The following MCTP2 variants were observed in gnomAD, a reference collection of about 807,000 sequenced individuals.
The protein encoded by MCTP2 is multiple C2 and transmembrane domain-containing protein 2.
In MCTP2, 132 loss-of-function variants were observed where a neutral mutation model predicts 111.6. That is an observed-to-expected ratio of 1.18 (90% CI 1.03 to 1.37). The LOEUF is 1.37. MCTP2 is among the 40% of genes most tolerant of loss of function. MCTP2 has a pLI of 0.00. For synonymous variants in MCTP2, 395 were observed against 387.7 expected, an observed-to-expected ratio of 1.02 and a Z score of -0.22; for missense variants, 1,183 against 1,067.9, an observed-to-expected ratio of 1.11 and a Z score of -1.50.
intron 1 of MCTP2, among the ~76,000 whole-genome samples, chr15:94,236,888 G>C (rs2070608944): frequency 6.6e-6 from 1 of 152,176 alleles, no homozygotes; most frequent in Admixed American, 6.5e-5. Context: ...TAGGGAAGTG[G>C]AGGTGCGGCA....
chr15:94,247,828 C>T (rs2072127808), intron 1 of MCTP2, among the ~76,000 whole-genome samples: 1 of 152,084 alleles, frequency 6.6e-6, no homozygotes, highest in African/African-American at 2.4e-5. Context: ...GCTTGGATTT[C>T]TAGTAAATAT....
At chr15:94,364,459 T>G (rs10520749) in intron 10 of MCTP2, among the ~76,000 whole-genome samples, 1 of 151,972 alleles carries the variant, frequency 6.6e-6, no homozygotes, top group African/African-American at 2.4e-5. Flanking sequence ...TTATTTAGTA[T>G]TTTTTGCAAG....
At chr15:94,420,989 C>T (rs2082601147) in intron 17 of MCTP2, among the ~76,000 whole-genome samples, 1 of 152,222 alleles carries the variant, frequency 6.6e-6, no homozygotes, top group Admixed American at 6.5e-5. Context: ...ACAGCCACCC[C>T]AGCCTTCAGC....
At chr15:94,289,340 TGAAAG>T (rs2074927049) in intron 1 of MCTP2, among the ~76,000 whole-genome samples, 1 of 152,172 alleles carries the variant, frequency 6.6e-6, no homozygotes, top group Admixed American at 6.5e-5. Flanking sequence ...TTTCAAGTGT[TGAAAG>T]AAAAGTATAG....
intron 4 of MCTP2, among the ~76,000 whole-genome samples, chr15:94,334,912 T>A (rs934490291): frequency 6.6e-6 from 1 of 152,226 alleles, no homozygotes; most frequent in African/African-American, 2.4e-5. Flanking sequence ...ATGAAAGTTC[T>A]AAGCTGGGAA....
At chr15:94,471,733 G>A (rs1460483251) in intron 21 of MCTP2, among the ~76,000 whole-genome samples, 2 of 148,944 alleles carry the variant, frequency 1.3e-5, no homozygotes, top group Non-Finnish European at 3.0e-5. Flanking sequence ...AGCTCTTCAG[G>A]GCCACTGATT....
At chr15:94,344,595 TC>T (rs1384456087) in intron 7 of MCTP2, among the ~76,000 whole-genome samples, 2 of 152,220 alleles carry the variant, frequency 1.3e-5, no homozygotes, top group East Asian at 3.8e-4. Context: ...TTTTTCCTTT[TC>T]CTTAGATACT....
intron 13 of MCTP2, 39 bp downstream of exon 13, chr15:94,384,163 TG>T: frequency 7.1e-7 from 1 of 1,411,588 alleles, no homozygotes; most frequent in Non-Finnish European, 1.0e-6. Flanking sequence ...CTGCTGTGCT[TG>T]GAAGGTAGTC....
chr15:94,451,525 G>T (rs2084463911), intron 19 of MCTP2, among the ~76,000 whole-genome samples: 1 of 152,118 alleles, frequency 6.6e-6, no homozygotes, highest in African/African-American at 2.4e-5. Context: ...CACACCAGTG[G>T]CCTTCACTAT....
intron 22 of MCTP2, among the ~76,000 whole-genome samples, chr15:94,477,495 G>C (rs1400824446): frequency 6.6e-6 from 1 of 152,182 alleles, no homozygotes; most frequent in East Asian, 1.9e-4. Flanking sequence ...TAAATCCAGA[G>C]GAAGGAGGGC....
At chr15:94,313,515 A>G (rs2076241104) in intron 2 of MCTP2, among the ~76,000 whole-genome samples, 1 of 152,122 alleles carries the variant, frequency 6.6e-6, no homozygotes, top group Non-Finnish European at 1.5e-5. Flanking sequence ...AGCCTGGCCA[A>G]TATGGTGAAA....
chr15:94,394,674 A>G (rs1020802534), intron 14 of MCTP2, among the ~76,000 whole-genome samples: 3 of 152,182 alleles, frequency 2.0e-5, no homozygotes, highest in African/African-American at 7.2e-5. Flanking sequence ...CTGAGGCAGC[A>G]GAATCACTTG....
chr15:94,340,981 C>A, intron 7 of MCTP2, 57 bp downstream of exon 7: 1 of 1,083,490 alleles, frequency 9.2e-7, no homozygotes, highest in Non-Finnish European at 1.4e-6. Context: ...TGAAATGGCT[C>A]ATTGCAATTG....
At chr15:94,457,978 C>CT (rs905960658) in intron 19 of MCTP2, among the ~76,000 whole-genome samples, 159 bp from the exon 20 acceptor site, 11 of 149,952 alleles carry the variant, frequency 7.3e-5, no homozygotes, top group African/African-American at 2.5e-4. Context: ...ACAGATTTTT[C>CT]TGGGGGGGGA....
chr15:94,413,385 T>A (rs1486535085), intron 17 of MCTP2, among the ~76,000 whole-genome samples: 1 of 152,218 alleles, frequency 6.6e-6, no homozygotes, highest in African/African-American at 2.4e-5. Context: ...AGATCCAGAT[T>A]ACTGCCCAGT....
intron 20 of MCTP2, among the ~76,000 whole-genome samples, chr15:94,468,777 C>T (rs535956846): frequency 3.3e-5 from 5 of 152,090 alleles, no homozygotes; most frequent in East Asian, 1.9e-4. Flanking sequence ...TACAGGTGCA[C>T]GCCACCACAC....
intron 12 of MCTP2, among the ~76,000 whole-genome samples, chr15:94,376,612 T>C (rs903170964): frequency 6.6e-6 from 1 of 152,234 alleles, no homozygotes; most frequent in African/African-American, 2.4e-5. Flanking sequence ...TATTAGAGTA[T>C]ATTTGATACG....
At chr15:94,263,426 A>G (rs1289274083) in intron 1 of MCTP2, among the ~76,000 whole-genome samples, 1 of 152,178 alleles carries the variant, frequency 6.6e-6, no homozygotes, top group Non-Finnish European at 1.5e-5. Context: ...AGATAATGGT[A>G]TTGTGTATGT....
intron 14 of MCTP2, among the ~76,000 whole-genome samples, chr15:94,389,488 G>A (rs186725173): frequency 3.9e-5 from 6 of 152,322 alleles, no homozygotes; most frequent in African/African-American, 1.2e-4. Flanking sequence ...AAATTAGTGA[G>A]AGAGAAGACT....
Sources: gnomAD v4.1 joint callset for allele counts (sites outside exome capture counted in the v4.1 genomes callset) on GRCh38, gnomAD v4.1.1 for gene constraint, MANE v1.5 for transcripts, NCBI Gene and HGNC (gene_info 2026-07-23, HGNC 2026-07-21) for gene names.